MTHFD2L: variants seen among roughly 807,000 people sequenced by gnomAD.
MTHFD2L encodes bifunctional methylenetetrahydrofolate dehydrogenase/cyclohydrolase 2, mitochondrial.
A neutral mutation model predicts 34.9 loss-of-function variants in MTHFD2L; 29 were observed. That is an observed-to-expected ratio of 0.83 (90% confidence interval 0.62 to 1.13). The LOEUF (loss-of-function observed/expected upper bound fraction) is 1.13. Among genes scored for constraint, MTHFD2L ranks in the 50% most tolerant of loss-of-function variants. MTHFD2L has a pLI of 0.00. For missense variants in MTHFD2L, 481 were observed against 446.5 expected (o/e 1.08, Z -0.70); for synonymous variants, 167 against 155.7 (o/e 1.07, Z -0.54).
rs145729788 is a variant in MTHFD2L, at chr4:74,288,555, A to T, written c.931+7005A>T. 3.0e-3 allele frequency: 461 copies of T among 152,336 alleles called. 1 individual carries two copies. Among genetic ancestry groups the T allele is most frequent in the African/African-American group, 0.011 (440 of 41,578 alleles). 9.4% of individuals were successfully genotyped at this position (152,336 alleles called of 1,614,324 possible). A position where few individuals can be genotyped will look rare whatever the true frequency, so the allele number is the denominator to read the frequency against. ...AAAGATATTTATTTATCTAACATCC[A>T]CATATCATTCAGCTTACCTATCCAG... On this transcript the variant is annotated intron_variant, in intron 7 of 7. Transcript: ENST00000325278.
At chr4:74,183,018 C>T (rs1411178847) in intron 3 of MTHFD2L, 1 of 152,012 alleles carries the variant, frequency 6.6e-6, no homozygotes, top group African/African-American at 2.4e-5. Context: ...TCACCAAACT[C>T]TCAAGCTCAT....
chr4:74,123,323 G>A (rs1721849327), upstream of MTHFD2L: 1 of 152,160 alleles, frequency 6.6e-6, no homozygotes, highest in South Asian at 2.1e-4. Flanking sequence ...GGGACTGTGG[G>A]AAACTGGAAA....
intron 6 of MTHFD2L, among the ~76,000 whole-genome samples, chr4:74,233,844 A>G (rs1000224126): frequency 6.6e-6 from 1 of 151,004 alleles, no homozygotes; most frequent in Admixed American, 6.6e-5. Context: ...GAAAAGGGGG[A>G]ATCTTTTCAT....
At chr4:74,128,079 C>T (rs1042990491) in intron 1 of MTHFD2L, among the ~76,000 whole-genome samples, 8 of 151,786 alleles carry the variant, frequency 5.3e-5, no homozygotes, top group African/African-American at 1.7e-4. Context: ...ATCTGTTGTC[C>T]GTTTTAAAAT....
chr4:74,120,414 T>G (rs1721734095), upstream of MTHFD2L, among the ~76,000 whole-genome samples: 1 of 152,218 alleles, frequency 6.6e-6, no homozygotes, highest in Admixed American at 6.5e-5. Context: ...TGTTGCCAAC[T>G]AATACCATAG....
At chr4:74,233,877 G>GTAT (rs1330531567) in intron 6 of MTHFD2L, among the ~76,000 whole-genome samples, 1 of 151,714 alleles carries the variant, frequency 6.6e-6, no homozygotes, top group Non-Finnish European at 1.5e-5. Flanking sequence ...TCAATCTATG[G>GTAT]TATTAGTACA....
At chr4:74,226,858 A>T (rs1739246933) in intron 6 of MTHFD2L, among the ~76,000 whole-genome samples, 1 of 152,200 alleles carries the variant, frequency 6.6e-6, no homozygotes, top group South Asian at 2.1e-4. Flanking sequence ...GCAAATAAAC[A>T]GTAAAATATA....
chr4:74,158,551 C>T (rs1157705849), intron 1 of MTHFD2L, among the ~76,000 whole-genome samples: 2 of 152,138 alleles, frequency 1.3e-5, no homozygotes, highest in Non-Finnish European at 2.9e-5. Context: ...TTTAGGAAGA[C>T]ATTTGAGGCA....
intron 5 of MTHFD2L, among the ~76,000 whole-genome samples, chr4:74,213,164 T>C (rs183467582): frequency 6.6e-6 from 1 of 152,340 alleles, no homozygotes; most frequent in Admixed American, 6.5e-5. Flanking sequence ...TGCCAGTCTG[T>C]GCCTTTTAAT....
At chr4:74,158,305 T>G in intron 1 of MTHFD2L, 24 bp downstream of exon 1, 1 of 1,256,948 alleles carries the variant, frequency 8.0e-7, no homozygotes, top group Non-Finnish European at 1.0e-6. Context: ...GGGCGCCGGG[T>G]GCGGAGCCGC....
intron 6 of MTHFD2L, chr4:74,241,498 A>G (rs906526574): frequency 6.3e-6 from 2 of 317,094 alleles, no homozygotes; most frequent in Admixed American, 3.5e-5. Context: ...GGCCCAAGTG[A>G]TCCTCCCACC....
intron 1 of MTHFD2L, among the ~76,000 whole-genome samples, chr4:74,131,815 A>AAATTTTGC (rs1036224289): frequency 1.3e-5 from 2 of 152,238 alleles, no homozygotes; most frequent in African/African-American, 4.8e-5. Flanking sequence ...AATGAGAGAA[A>AAATTTTGC]AATTTTGCAA....
At chr4:74,301,431 A>G (rs1169628021) in intron 7 of MTHFD2L, among the ~76,000 whole-genome samples, 3 of 151,938 alleles carry the variant, frequency 2.0e-5, no homozygotes, top group Non-Finnish European at 4.4e-5. Flanking sequence ...ATGTAAAACA[A>G]ACTGAGCTGC....
At chr4:74,297,818 A>G (rs1217224259) in intron 7 of MTHFD2L, among the ~76,000 whole-genome samples, 1 of 152,098 alleles carries the variant, frequency 6.6e-6, no homozygotes, top group African/African-American at 2.4e-5. Context: ...GCAGTATTTC[A>G]TAAATGTGTT....
chr4:74,214,270 C>T (rs930593197), intron 5 of MTHFD2L, among the ~76,000 whole-genome samples: 1 of 151,826 alleles, frequency 6.6e-6, no homozygotes, highest in Non-Finnish European at 1.5e-5. Flanking sequence ...GAATTGTGAT[C>T]CTTTGGAGTA....
chr4:74,291,372 T>G (rs1037824), intron 7 of MTHFD2L, among the ~76,000 whole-genome samples: 49,427 of 151,838 alleles, frequency 0.33, 10,079 homozygotes, highest in African/African-American at 0.59. Flanking sequence ...CAGACCACTG[T>G]TTATTTGTAT....
intron 1 of MTHFD2L, among the ~76,000 whole-genome samples, chr4:74,142,651 ATTATG>A (rs1185698814): frequency 1.3e-5 from 2 of 152,238 alleles, no homozygotes; most frequent in African/African-American, 2.4e-5. Context: ...ATTGACATGT[ATTATG>A]GGAAACTGAT....
intron 1 of MTHFD2L, among the ~76,000 whole-genome samples, chr4:74,144,307 G>T (rs1723455002): frequency 6.6e-6 from 1 of 152,060 alleles, no homozygotes; most frequent in Admixed American, 6.6e-5. Context: ...GCAAAAATTA[G>T]CTGGGCATGG....
intron 6 of MTHFD2L, chr4:74,266,754 T>C: frequency 1.6e-6 from 1 of 617,486 alleles, no homozygotes; most frequent in Non-Finnish European, 2.0e-6. Context: ...CTCTCCTGTC[T>C]ATCACTTTTC....
Sources: gnomAD v4.1 joint callset for allele counts (sites outside exome capture counted in the v4.1 genomes callset) on GRCh38, gnomAD v4.1.1 for gene constraint, MANE v1.5 for transcripts, NCBI Gene and HGNC (gene_info 2026-07-23, HGNC 2026-07-21) for gene names.